The following STARD13 variants were observed in gnomAD, a reference collection of about 807,000 sequenced individuals.
STARD13 encodes the protein stAR-related lipid transfer protein 13.
A neutral mutation model predicts 106.4 loss-of-function variants in STARD13; 62 were observed. That is an observed-to-expected ratio of 0.58 (90% CI 0.48 to 0.72). The LOEUF (loss-of-function observed/expected upper bound fraction) is 0.72. STARD13 is among the 30% of genes least tolerant of loss of function. The pLI, the probability that STARD13 is intolerant of heterozygous loss-of-function variation, is 0.00. For synonymous variants in STARD13, 565 were observed against 553.0 expected, an observed-to-expected ratio of 1.02 and a Z score of -0.31; for missense variants, 1,387 against 1,424.0, an observed-to-expected ratio of 0.97 and a Z score of 0.42.
In STARD13 at chr13:33,169,057, T is replaced by TTTTCCACTTAA. The variant is rs1257255444; in HGVS notation, c.170-1436_170-1435insTTAAGTGGAAA. 9.2e-5 allele frequency among the ~76,000 whole-genome samples: 14 copies of TTTTCCACTTAA among 152,328 alleles called. 1 individual carries two copies. The highest frequency in any genetic ancestry group is 2.6e-4 in the African/African-American group (11 of 41,564). ...TCAAAAGCTTGAGATTTGTCTCTTG[T>TTTTCCACTTAA]GTGAGGGTTTTCCACTTAAGTGTGA... On this transcript the variant is annotated intron_variant, in intron 1 of 13. Transcript: ENST00000336934.
At chr13:33,659,129 G>A in the STARD13 span, among the ~76,000 whole-genome samples, 6 of 151,762 alleles carry the variant, frequency 4.0e-5, no homozygotes, top group East Asian at 9.7e-4. Context: ...GTGACCCACC[G>A]TAGCAAATTA....
At chr13:33,569,305 T>C in the STARD13 span, among the ~76,000 whole-genome samples, 1 of 147,976 alleles carries the variant, frequency 6.8e-6, no homozygotes, top group South Asian at 2.2e-4. Flanking sequence ...CGAAGAGCAG[T>C]TTGGCAATAT....
the STARD13 span, among the ~76,000 whole-genome samples, chr13:33,613,171 G>T: frequency 6.6e-6 from 1 of 152,192 alleles, no homozygotes; most frequent in Non-Finnish European, 1.5e-5. Context: ...CTTTGCATGT[G>T]TAGTTTCCAA....
chr13:33,421,026 C>T, the STARD13 span, among the ~76,000 whole-genome samples: 3 of 152,118 alleles, frequency 2.0e-5, no homozygotes, highest in African/African-American at 7.2e-5. Context: ...GACATGCTAA[C>T]AACACAATTA....
the STARD13 span, among the ~76,000 whole-genome samples, chr13:33,363,480 T>C: frequency 2.0e-5 from 3 of 152,320 alleles, no homozygotes; most frequent in South Asian, 6.2e-4. Flanking sequence ...CTGGTTCCTG[T>C]TTTCCAGAAA....
chr13:33,658,788 G>A, the STARD13 span, among the ~76,000 whole-genome samples: 1 of 152,202 alleles, frequency 6.6e-6, no homozygotes. Context: ...TCACCAGAAA[G>A]ACTAAGGCAT....
intron 3 of STARD13, among the ~76,000 whole-genome samples, chr13:33,151,195 G>C (rs1355344519): frequency 6.8e-6 from 1 of 147,322 alleles, no homozygotes; most frequent in Non-Finnish European, 1.5e-5. Flanking sequence ...ATATGAAAAG[G>C]GGTGTTAGTC....
At chr13:33,665,572 T>C in the STARD13 span, among the ~76,000 whole-genome samples, 1 of 152,232 alleles carries the variant, frequency 6.6e-6, no homozygotes, top group Non-Finnish European at 1.5e-5. Flanking sequence ...TGCTGGTTAA[T>C]TTTGATGGAA....
the STARD13 span, among the ~76,000 whole-genome samples, chr13:33,472,931 C>T: frequency 5.3e-5 from 8 of 152,158 alleles, no homozygotes; most frequent in Non-Finnish European, 1.2e-4. Context: ...TTTACCCTCC[C>T]CTCAGGCAGT....
chr13:33,121,380 A>G (rs34216025), intron 7 of STARD13, among the ~76,000 whole-genome samples: 16,851 of 151,950 alleles, frequency 0.11, 1,209 homozygotes, highest in African/African-American at 0.19. Context: ...CAGCCTGGCC[A>G]ACATGGCAAA....
intron 3 of STARD13, among the ~76,000 whole-genome samples, chr13:33,159,011 G>A (rs866948634): frequency 6.6e-6 from 1 of 151,988 alleles, no homozygotes; most frequent in Admixed American, 6.6e-5. Flanking sequence ...TTCTTGCTTC[G>A]TAATATTTTT....
the STARD13 span, among the ~76,000 whole-genome samples, chr13:33,398,700 C>T: frequency 2.6e-5 from 4 of 152,084 alleles, no homozygotes; most frequent in African/African-American, 9.7e-5. Context: ...TAAAGATTCC[C>T]AATATTATCA....
intron 1 of STARD13, among the ~76,000 whole-genome samples, chr13:33,274,396 C>T (rs576232905): frequency 6.6e-6 from 1 of 152,284 alleles, no homozygotes; most frequent in South Asian, 2.1e-4. Context: ...GGAGAGAGGC[C>T]TCCAAAGGAA....
At chr13:33,314,628 C>T (rs749536149) in intron 1 of STARD13, among the ~76,000 whole-genome samples, 10 of 152,150 alleles carry the variant, frequency 6.6e-5, no homozygotes, top group Admixed American at 2.0e-4. Context: ...ACCAATGTCT[C>T]ATTTAATTCT....
the STARD13 span, among the ~76,000 whole-genome samples, chr13:33,359,116 G>T: frequency 6.6e-6 from 1 of 152,084 alleles, no homozygotes; most frequent in African/African-American, 2.4e-5. Flanking sequence ...TTGGCAACCC[G>T]CTCAGGTTGC....
intron 1 of STARD13, among the ~76,000 whole-genome samples, chr13:33,249,194 C>G (rs1764113724): frequency 6.6e-6 from 1 of 152,134 alleles, no homozygotes; most frequent in Non-Finnish European, 1.5e-5. Flanking sequence ...GATTTCGAAG[C>G]AGGGAAATCA....
At position 33,317,349 on chromosome 13, in the gene STARD13, G is replaced by A. The variant is rs1893379609; in HGVS notation, c.124+32941C>T. Among the ~76,000 whole-genome samples the A allele has an allele frequency of 2.6e-5, 4 of 152,242 alleles. No homozygotes were observed. The South Asian group carries it at 8.3e-4, about 32-fold the overall frequency. On this transcript the variant is annotated intron_variant, in intron 1 of 5. Transcript: ENST00000567873. ...AGTTTCTTAAACTAAATCTTTAAGA[G>A]TCATCCAACAATGAAGCATCCTACA...
At chr13:33,399,465 C>A in the STARD13 span, among the ~76,000 whole-genome samples, 1 of 151,932 alleles carries the variant, frequency 6.6e-6, no homozygotes, top group Non-Finnish European at 1.5e-5. Flanking sequence ...GAGGCCGAGG[C>A]GGGTGGATCA....
chr13:33,153,720 T>C (rs1340992481), intron 3 of STARD13, among the ~76,000 whole-genome samples: 1 of 152,240 alleles, frequency 6.6e-6, no homozygotes, highest in Non-Finnish European at 1.5e-5. Context: ...CTCGTGTTGA[T>C]TTAATGACCA....
Sources: gnomAD v4.1 joint callset for allele counts (sites outside exome capture counted in the v4.1 genomes callset) on GRCh38, gnomAD v4.1.1 for gene constraint, MANE v1.5 for transcripts, NCBI Gene and HGNC (gene_info 2026-07-23, HGNC 2026-07-21) for gene names.